LRRC4C: variants seen among roughly 807,000 people sequenced by gnomAD.
The protein encoded by LRRC4C is leucine rich repeat containing 4C.
A neutral mutation model predicts 33.6 loss-of-function variants in LRRC4C; 5 were observed. That is an observed-to-expected ratio of 0.15 (90% CI 0.08 to 0.31). The LOEUF (loss-of-function observed/expected upper bound fraction) is 0.31, where lower values mean the gene tolerates loss of function less well. LRRC4C is among the 10% of genes least tolerant of loss of function. The pLI, the probability that LRRC4C is intolerant of heterozygous loss-of-function variation, is 1.00. For synonymous variants in LRRC4C, 329 were observed against 302.0 expected (o/e 1.09, Z -0.93); for missense variants, 560 against 796.7 (o/e 0.70, Z 3.58).
intron 1 of LRRC4C, among the ~76,000 whole-genome samples, chr11:41,413,740 T>A (rs1480798383): frequency 1.3e-5 from 2 of 152,146 alleles, no homozygotes; most frequent in Non-Finnish European, 2.9e-5. Flanking sequence ...CCCTGAAATT[T>A]GTGAAAAAGT....
chr11:40,373,682 C>A (rs7111388), intron 3 of LRRC4C, among the ~76,000 whole-genome samples: 3,562 of 152,188 alleles, frequency 0.023, 120 homozygotes, highest in African/African-American at 0.077. Flanking sequence ...AACGGCCTGG[C>A]ACCATCCCCT....
At chr11:40,904,682 G>A (rs1342712425) in intron 2 of LRRC4C, among the ~76,000 whole-genome samples, 1 of 152,060 alleles carries the variant, frequency 6.6e-6, no homozygotes, top group African/African-American at 2.4e-5. Context: ...CAGGTCACTG[G>A]TTTGCAGGTT....
chr11:40,906,104 C>A (rs1956404373), intron 2 of LRRC4C, among the ~76,000 whole-genome samples: 1 of 152,218 alleles, frequency 6.6e-6, no homozygotes, highest in African/African-American at 2.4e-5. Context: ...CAAAACTCTC[C>A]ACCAGCAACA....
chr11:40,783,280 A>G (rs1950288035), intron 2 of LRRC4C, among the ~76,000 whole-genome samples: 1 of 149,210 alleles, frequency 6.7e-6, no homozygotes, highest in Admixed American at 6.6e-5. Context: ...GTTTTATTTT[A>G]TTTTATTTTA....
At chr11:40,116,659 A>G (rs1401383253) in intron 6 of LRRC4C, among the ~76,000 whole-genome samples, 1 of 152,208 alleles carries the variant, frequency 6.6e-6, no homozygotes, top group African/African-American at 2.4e-5. Flanking sequence ...ATTAGCTTCA[A>G]TGTCCACAGC....
rs187580858 is a variant in LRRC4C, at chr11:40,294,692, T to C, written c.-176+24936A>G. Among the ~76,000 whole-genome samples, 485 of 150,384 alleles carry C rather than the reference T, an allele frequency of 3.2e-3. 2 individuals are homozygous for C. The highest frequency in any genetic ancestry group is 0.01 in the Middle Eastern group (3 of 294). ...AAATACAAAAATTAGCCGGGAGCGA[T>C]GGCGCGCGTCTGTAATCCCAGCTAC... is the stretch of plus-strand genomic sequence containing the variant. On this transcript the variant is annotated intron_variant, in intron 4 of 6. Coordinates refer to ENST00000528697, the MANE Select transcript of LRRC4C (RefSeq NM_001258419.2).
intron 3 of LRRC4C, among the ~76,000 whole-genome samples, chr11:40,596,252 A>T (rs907358100): frequency 1.3e-5 from 2 of 152,156 alleles, no homozygotes; most frequent in Non-Finnish European, 2.9e-5. Context: ...CAAGAGAGAA[A>T]TTCAAAATTA....
intron 3 of LRRC4C, among the ~76,000 whole-genome samples, chr11:40,331,728 T>C (rs907803230): frequency 6.6e-6 from 1 of 152,158 alleles, no homozygotes; most frequent in Non-Finnish European, 1.5e-5. Flanking sequence ...CCGTCAGATA[T>C]CAGAACTTCT....
intron 3 of LRRC4C, among the ~76,000 whole-genome samples, chr11:40,370,417 T>C (rs2137253653): frequency 6.6e-6 from 1 of 152,324 alleles, no homozygotes; most frequent in Non-Finnish European, 1.5e-5. Context: ...GAGCAAGTTT[T>C]ATAGTTAATT....
chr11:40,411,165 A>C (rs1950142660), intron 3 of LRRC4C, among the ~76,000 whole-genome samples: 1 of 152,084 alleles, frequency 6.6e-6, no homozygotes, highest in African/African-American at 2.4e-5. Context: ...ATATTATTTG[A>C]ATATACACTT....
chr11:40,514,426 C>A (rs1387510728), intron 3 of LRRC4C, among the ~76,000 whole-genome samples: 2 of 151,974 alleles, frequency 1.3e-5, no homozygotes, highest in Non-Finnish European at 2.9e-5. Context: ...TGTGTTGAAG[C>A]ATTTTTTTTC....
chr11:40,490,707 G>A (rs1411357230), intron 3 of LRRC4C, among the ~76,000 whole-genome samples: 1 of 152,010 alleles, frequency 6.6e-6, no homozygotes, highest in Non-Finnish European at 1.5e-5. Flanking sequence ...GGAACTCCTC[G>A]GCAGCCTCCA....
At chr11:40,885,734 G>A (rs947607702) in intron 2 of LRRC4C, among the ~76,000 whole-genome samples, 1 of 152,068 alleles carries the variant, frequency 6.6e-6, no homozygotes, top group African/African-American at 2.4e-5. Context: ...CATTCTAAAA[G>A]AATGCATCTA....
chr11:41,206,376 C>A, intron 1 of LRRC4C, among the ~76,000 whole-genome samples: 1 of 152,144 alleles, frequency 6.6e-6, no homozygotes, highest in South Asian at 2.1e-4. Flanking sequence ...TGTTGGGTTG[C>A]GGAGTTCTAA....
chr11:40,993,007 C>T (rs112220770), intron 1 of LRRC4C, among the ~76,000 whole-genome samples: 9 of 152,230 alleles, frequency 5.9e-5, no homozygotes, highest in South Asian at 4.1e-4. Flanking sequence ...TGCTCACAAA[C>T]GATCCATGAC....
chr11:40,729,802 G>A lies in LRRC4C; in HGVS notation c.-406-81524C>T, dbSNP rs572331502. On this transcript the variant is annotated intron_variant, in intron 2 of 6. Transcript: ENST00000528697. Reference sequence around the variant, plus strand: ...TAAACCTATGTTTTTTATAATGGTAGAATCATATCATTTTTATACTTAATA... The same window carrying A: ...TAAACCTATGTTTTTTATAATGGTAAAATCATATCATTTTTATACTTAATA... Among the ~76,000 whole-genome samples, 8 of 152,186 alleles carry A rather than the reference G, an allele frequency of 5.3e-5. No individual in the cohort carries two copies. The East Asian group carries it at 1.5e-3, about 29-fold the overall frequency.
chr11:40,303,442 C>T (rs1231148345), intron 4 of LRRC4C, among the ~76,000 whole-genome samples: 1 of 152,048 alleles, frequency 6.6e-6, no homozygotes. Flanking sequence ...ATTTTCCTGC[C>T]ACTGGAGTAG....
intron 4 of LRRC4C, among the ~76,000 whole-genome samples, chr11:40,257,509 A>T (rs145220474): frequency 1.3e-5 from 2 of 152,250 alleles, no homozygotes; most frequent in African/African-American, 4.8e-5. Flanking sequence ...CCATGTGGCC[A>T]TGTGCTTCTG....
intron 3 of LRRC4C, among the ~76,000 whole-genome samples, chr11:40,572,476 T>C (rs1277079885): frequency 2.0e-5 from 3 of 152,086 alleles, no homozygotes; most frequent in Non-Finnish European, 4.4e-5. Flanking sequence ...GGACCAATAA[T>C]ATCTACAAAA....
Sources: allele counts gnomAD v4.1 joint callset (sites outside exome capture counted in the v4.1 genomes callset), GRCh38; gene constraint gnomAD v4.1.1; transcripts MANE v1.5; gene names NCBI Gene and HGNC (gene_info 2026-07-23, HGNC 2026-07-21).